CA10: variants seen among roughly 807,000 people sequenced by gnomAD.
CA10 encodes carbonic anhydrase-related protein 10.
Under a neutral mutation model 44.2 loss-of-function variants are expected in CA10, and 14 were observed. That is an observed-to-expected ratio of 0.32 (90% confidence interval 0.21 to 0.50). CA10 has a LOEUF of 0.50. Ranked by LOEUF, CA10 falls within the 20% of genes least tolerant of loss-of-function variation. The probability of loss-of-function intolerance (pLI) is 0.99; values close to 1 mark genes in which losing one functional copy is unlikely to be tolerated. For missense variants in CA10, 350 were observed against 409.7 expected (o/e 0.85, Z 1.26); for synonymous variants, 159 against 141.6 (o/e 1.12, Z -0.87).
At chr17:52,110,476 T>G (rs1453592751) in intron 1 of CA10, among the ~76,000 whole-genome samples, 1 of 152,244 alleles carries the variant, frequency 6.6e-6, no homozygotes, top group Non-Finnish European at 1.5e-5. Flanking sequence ...TAGCCAATGC[T>G]TGCCCCTAGC....
chr17:51,676,093 T>C (rs1050121481), intron 4 of CA10, among the ~76,000 whole-genome samples: 3 of 152,238 alleles, frequency 2.0e-5, no homozygotes, highest in African/African-American at 7.2e-5. Context: ...TGAACATGTG[T>C]GTACAAGTTT....
intron 1 of CA10, among the ~76,000 whole-genome samples, chr17:52,077,364 A>C (rs1330725372): frequency 6.6e-6 from 1 of 152,198 alleles, no homozygotes; most frequent in Admixed American, 6.5e-5. Flanking sequence ...AACAGAGGTC[A>C]GCAAATTTTT....
intron 3 of CA10, among the ~76,000 whole-genome samples, chr17:51,915,749 C>T (rs763905921): frequency 3.7e-4 from 56 of 152,120 alleles, no homozygotes; most frequent in Non-Finnish European, 6.8e-4. Flanking sequence ...TCATTCCTCC[C>T]GGGCCGTTTT....
At chr17:52,154,617 C>T (rs1989766924) in intron 1 of CA10, among the ~76,000 whole-genome samples, 1 of 152,154 alleles carries the variant, frequency 6.6e-6, no homozygotes, top group Non-Finnish European at 1.5e-5. Flanking sequence ...CTCTCTCTCT[C>T]CCTCTCTCTT....
intron 4 of CA10, among the ~76,000 whole-genome samples, chr17:51,694,064 C>T (rs1011914447): frequency 6.6e-5 from 10 of 151,966 alleles, no homozygotes; most frequent in African/African-American, 2.2e-4. Context: ...ATTAGCTAGG[C>T]GTGGTGGTGC....
chr17:51,897,051 C>G (rs950479969), intron 3 of CA10, among the ~76,000 whole-genome samples: 1 of 151,968 alleles, frequency 6.6e-6, no homozygotes, highest in African/African-American at 2.4e-5. Context: ...GTTTCTTTTG[C>G]TGTTTAGAAG....
chr17:51,986,261 A>G (rs756331193), intron 2 of CA10, among the ~76,000 whole-genome samples: 4 of 151,988 alleles, frequency 2.6e-5, no homozygotes, highest in Non-Finnish European at 5.9e-5. Flanking sequence ...AAGAAAGAAC[A>G]CCCTATTCAA....
At position 51,905,198 on chromosome 17, in the gene CA10, G is replaced by A. The variant is rs150749107; in HGVS notation, c.279+25792C>T. 2.4e-4 allele frequency among the ~76,000 whole-genome samples: 36 copies of A among 152,208 alleles called. No individual in the cohort carries two copies. The East Asian group carries it at 5.2e-3, about 22-fold the overall frequency. On this transcript the variant is annotated intron_variant, in intron 3 of 8. Coordinates refer to ENST00000451037, the MANE Select transcript of CA10 (RefSeq NM_020178.5). ...CAGTGCTCCATAAATTGCAGTTGACGCTTCCCTGTGGCACTAAGACAGCTG... is the reference window on the plus strand; with the variant it reads ...CAGTGCTCCATAAATTGCAGTTGACACTTCCCTGTGGCACTAAGACAGCTG...
intron 4 of CA10, among the ~76,000 whole-genome samples, chr17:51,659,338 G>A (rs35302951): frequency 0.13 from 19,785 of 152,052 alleles, 1,672 homozygotes; most frequent in Non-Finnish European, 0.18. Context: ...CTCTCCCTGT[G>A]GTTTGGGATT....
At chr17:51,679,254 TTTTC>T (rs1315462932) in intron 4 of CA10, among the ~76,000 whole-genome samples, 10 of 129,758 alleles carry the variant, frequency 7.7e-5, no homozygotes, top group African/African-American at 2.3e-4. Flanking sequence ...CTGAGACTGT[TTTTC>T]TTTCTCTTTT....
chr17:51,810,521 G>T (rs1907318709), intron 3 of CA10, among the ~76,000 whole-genome samples: 1 of 152,134 alleles, frequency 6.6e-6, no homozygotes, highest in African/African-American at 2.4e-5. Flanking sequence ...CCAAGGCACA[G>T]GCAGACAATG....
At chr17:51,779,846 G>A (rs1279730232) in intron 3 of CA10, among the ~76,000 whole-genome samples, 2 of 152,170 alleles carry the variant, frequency 1.3e-5, no homozygotes, top group Non-Finnish European at 2.9e-5. Context: ...ATGTGCCTCA[G>A]GAGAAGGCTG....
chr17:51,830,195 C>CAAAAA (rs1220410518), intron 3 of CA10, among the ~76,000 whole-genome samples: 20 of 89,878 alleles, frequency 2.2e-4, no homozygotes, highest in African/African-American at 4.3e-4. Context: ...GACTCCATCT[C>CAAAAA]AAAAAAAAAA....
intron 4 of CA10, among the ~76,000 whole-genome samples, chr17:51,695,369 T>A (rs1261159046): frequency 6.6e-6 from 1 of 152,192 alleles, no homozygotes; most frequent in Admixed American, 6.5e-5. Context: ...TAATTCTCCT[T>A]GTAGAGATCT....
intron 1 of CA10, among the ~76,000 whole-genome samples, chr17:52,092,742 G>T (rs1988300391): frequency 6.6e-6 from 1 of 152,098 alleles, no homozygotes; most frequent in African/African-American, 2.4e-5. Context: ...GTTTTCTGAT[G>T]TTGAGGACCC....
At chr17:51,798,790 G>A (rs887439959) in intron 3 of CA10, among the ~76,000 whole-genome samples, 1 of 152,218 alleles carries the variant, frequency 6.6e-6, no homozygotes, top group African/African-American at 2.4e-5. Flanking sequence ...ATCAGGGCAG[G>A]ACTTGAGAGG....
chr17:52,092,051 G>GTCTTTC (rs139559535), intron 1 of CA10, among the ~76,000 whole-genome samples: 11 of 152,158 alleles, frequency 7.2e-5, no homozygotes, highest in Admixed American at 2.6e-4. Context: ...AAAACAACCT[G>GTCTTTC]TCTTTCTCTT....
intron 3 of CA10, among the ~76,000 whole-genome samples, chr17:51,757,628 TATA>T (rs1290922361): frequency 2.0e-5 from 3 of 152,250 alleles, no homozygotes; most frequent in African/African-American, 4.8e-5. Context: ...GCTAGAGTAC[TATA>T]ATAAGTGTGT....
chr17:51,703,936 T>C (rs912158396), intron 4 of CA10, among the ~76,000 whole-genome samples: 1 of 27,182 alleles, frequency 3.7e-5, no homozygotes, highest in African/African-American at 5.0e-4. Context: ...AGGCACAGAC[T>C]TGGATAAGAA....
Sources: allele counts gnomAD v4.1 joint callset (sites outside exome capture counted in the v4.1 genomes callset), GRCh38; gene constraint gnomAD v4.1.1; transcripts MANE v1.5; gene names NCBI Gene and HGNC (gene_info 2026-07-23, HGNC 2026-07-21).